Variants in CPEB1 observed in about 807,000 individuals in gnomAD.
CPEB1 encodes the protein cytoplasmic polyadenylation element binding protein 1.
In CPEB1, 7 loss-of-function variants were observed where a neutral mutation model predicts 65.8. The observed-to-expected ratio is 0.11, with a 90% CI of 0.06 to 0.20. The LOEUF (loss-of-function observed/expected upper bound fraction) is 0.20. CPEB1 is among the 10% of genes least tolerant of loss of function. The probability of loss-of-function intolerance (pLI) is 1.00; values close to 1 mark genes in which losing one functional copy is unlikely to be tolerated. For missense variants in CPEB1, 551 were observed against 712.2 expected (o/e 0.77, Z 2.58); for synonymous variants, 262 against 260.0 (o/e 1.01, Z -0.08).
intron 3 of CPEB1, among the ~76,000 whole-genome samples, chr15:82,591,906 C>T (rs949529235): frequency 6.7e-6 from 1 of 149,786 alleles, no homozygotes; most frequent in East Asian, 2.0e-4. Context: ...GCAAGTGGCA[C>T]TATCTTGGCT....
At chr15:82,578,102 T>C (rs995326988) in intron 3 of CPEB1, among the ~76,000 whole-genome samples, 8 of 151,920 alleles carry the variant, frequency 5.3e-5, no homozygotes, top group African/African-American at 1.9e-4. Flanking sequence ...ATCGTGCCAC[T>C]GCACTCCAGC....
chr15:82,599,828 G>A (rs1453076578), intron 3 of CPEB1, among the ~76,000 whole-genome samples: 2 of 152,026 alleles, frequency 1.3e-5, no homozygotes, highest in African/African-American at 4.8e-5. Flanking sequence ...CCTCAAAGAT[G>A]GAGTTTAACA....
At chr15:82,630,136 G>A in intron 1 of CPEB1, 1 of 984,850 alleles carries the variant, frequency 1.0e-6, no homozygotes, top group Non-Finnish European at 1.2e-6. Context: ...AGGTCTCGCT[G>A]TGTTGCCCAG....
At chr15:82,567,690 A>C in intron 4 of CPEB1, among the ~76,000 whole-genome samples, 1 of 152,074 alleles carries the variant, frequency 6.6e-6, no homozygotes, top group African/African-American at 2.4e-5. Context: ...AGTCCTCAAG[A>C]GACTTCTAAA....
intron 3 of CPEB1, among the ~76,000 whole-genome samples, chr15:82,614,879 G>GTGTGTGTGTA (rs368957489): frequency 8.8e-6 from 1 of 113,196 alleles, no homozygotes; most frequent in African/African-American, 2.9e-5. Context: ...GTGTGTGTGT[G>GTGTGTGTGTA]TATATATATA....
rs569283207 is a variant in CPEB1 at position 82,545,177 on chromosome 15, G to A, written c.1657-475C>T. Among the ~76,000 whole-genome samples the A allele has an allele frequency of 4.7e-4, 72 of 152,288 alleles. 1 individual carries two copies. The South Asian group carries it at 0.014, about 29-fold the overall frequency. On this transcript the variant is annotated intron_variant, in intron 12 of 12. Transcript: ENST00000684509. ...TCCCATCTCTTGGTTGCTGTGTAAC[G>A]TCAGGCAAGCCACTAATCTCTGAGC... is the stretch of plus-strand genomic sequence containing the variant.
chr15:82,553,624 G>C (rs1187697258), intron 7 of CPEB1, 68 bp from the exon 8 acceptor site: 2 of 1,168,226 alleles, frequency 1.7e-6, no homozygotes, highest in African/African-American at 3.0e-5. Flanking sequence ...CACAAACACA[G>C]AATCACCAGC....
At chr15:82,547,540 C>T (rs913942016) in intron 10 of CPEB1, among the ~76,000 whole-genome samples, 15 of 151,924 alleles carry the variant, frequency 9.9e-5, no homozygotes, top group African/African-American at 3.1e-4. Context: ...GTGACCCGCC[C>T]GCCTCAGCCT....
intron 1 of CPEB1, among the ~76,000 whole-genome samples, chr15:82,639,022 C>T (rs990462324): frequency 6.6e-6 from 1 of 152,204 alleles, no homozygotes; most frequent in Non-Finnish European, 1.5e-5. Flanking sequence ...AAATCAACCA[C>T]GTCTTAGAAT....
At chr15:82,598,368 C>T (rs1421681524) in intron 3 of CPEB1, among the ~76,000 whole-genome samples, 2 of 151,994 alleles carry the variant, frequency 1.3e-5, no homozygotes, top group African/African-American at 4.8e-5. Flanking sequence ...GTGGCGCACA[C>T]CTGTAATCCC....
intron 3 of CPEB1, among the ~76,000 whole-genome samples, chr15:82,584,419 T>A (rs1354604994): frequency 6.6e-6 from 1 of 152,126 alleles, no homozygotes; most frequent in Non-Finnish European, 1.5e-5. Flanking sequence ...GGCTCACACC[T>A]GTAATCCCAG....
At chr15:82,570,148 T>C (rs532824827) in intron 4 of CPEB1, among the ~76,000 whole-genome samples, 45 of 152,234 alleles carry the variant, frequency 3.0e-4, no homozygotes, top group African/African-American at 1.1e-3. Context: ...CTCTCCTAAA[T>C]GGGGTTTTAC....
chr15:82,621,573 C>A (rs895683375), intron 3 of CPEB1, among the ~76,000 whole-genome samples: 2 of 151,862 alleles, frequency 1.3e-5, no homozygotes, highest in East Asian at 3.9e-4. Context: ...AGCCAAGATC[C>A]CGCCATTGCA....
chr15:82,623,908 T>C (rs1331584625), intron 3 of CPEB1, among the ~76,000 whole-genome samples: 1 of 152,184 alleles, frequency 6.6e-6, no homozygotes, highest in African/African-American at 2.4e-5. Context: ...TATTCCATGG[T>C]ATAGCTCTCC....
chr15:82,564,013 A>G (rs1323580829), intron 4 of CPEB1, among the ~76,000 whole-genome samples: 1 of 152,194 alleles, frequency 6.6e-6, no homozygotes, highest in Non-Finnish European at 1.5e-5. Flanking sequence ...TCTTTTAAAC[A>G]TGCTTTTTAA....
chr15:82,638,321 CCTAT>C (rs1252904735), intron 1 of CPEB1, among the ~76,000 whole-genome samples: 6 of 152,166 alleles, frequency 3.9e-5, no homozygotes, highest in Admixed American at 6.6e-5. Context: ...ATCTTTTACT[CCTAT>C]CTGTTAGTCA....
chr15:82,561,237 G>A (rs143111232), intron 4 of CPEB1, among the ~76,000 whole-genome samples: 60 of 152,326 alleles, frequency 3.9e-4, no homozygotes, highest in African/African-American at 1.3e-3. Context: ...TAAAAAGACC[G>A]ATGGTGATAA....
chr15:82,642,336 T>C (rs1162831068), intron 1 of CPEB1, among the ~76,000 whole-genome samples: 1 of 152,202 alleles, frequency 6.6e-6, no homozygotes, highest in Admixed American at 6.5e-5. Context: ...GGAGGATGGC[T>C]TGAGCCGAGG....
intron 4 of CPEB1, 55 bp from the exon 5 acceptor site, chr15:82,558,041 A>G: frequency 1.5e-6 from 2 of 1,303,758 alleles, no homozygotes. Context: ...TGCAGCCAAC[A>G]GCCTCTTTCT....
Sources: allele counts gnomAD v4.1 joint callset (sites outside exome capture counted in the v4.1 genomes callset), GRCh38; gene constraint gnomAD v4.1.1; transcripts MANE v1.5; gene names NCBI Gene and HGNC (gene_info 2026-07-23, HGNC 2026-07-21).